Variants in VCPIP1 observed in about 807,000 individuals in gnomAD.
VCPIP1 encodes the protein deubiquitinating protein VCPIP1.
VCPIP1 carries 8 observed loss-of-function variants against 85.0 expected under a neutral mutation model. The ratio of observed to expected loss-of-function variants is 0.09; its 90% CI spans 0.06 to 0.17. The LOEUF (loss-of-function observed/expected upper bound fraction) is 0.17. VCPIP1 is among the 10% of genes least tolerant of loss of function. VCPIP1 has a pLI of 1.00. For synonymous variants in VCPIP1, 543 were observed against 544.5 expected (o/e 1.00, Z 0.04); for missense variants, 1,070 against 1,486.3 (o/e 0.72, Z 4.61).
chr8:66,646,160 C>T (rs1341115897), intron 2 of VCPIP1, among the ~76,000 whole-genome samples: 2 of 150,886 alleles, frequency 1.3e-5, no homozygotes, highest in Non-Finnish European at 3.0e-5. Flanking sequence ...GCAACCTCCA[C>T]CTCCTGGGTT....
chr8:66,652,998 T>TA (rs2130169779), intron 1 of VCPIP1, among the ~76,000 whole-genome samples: 1 of 152,346 alleles, frequency 6.6e-6, no homozygotes, highest in Non-Finnish European at 1.5e-5. Flanking sequence ...ACTATGTACT[T>TA]ACAACATCTC....
chr8:66,656,352 A>T (rs1369310582), intron 1 of VCPIP1, among the ~76,000 whole-genome samples: 1 of 151,966 alleles, frequency 6.6e-6, no homozygotes, highest in Non-Finnish European at 1.5e-5. Flanking sequence ...GTGCCACCAC[A>T]GCCGCTAAGT....
chr8:66,664,178 AAAGAT>A, intron 1 of VCPIP1, 66 bp downstream of exon 1: 1 of 1,425,670 alleles, frequency 7.0e-7, no homozygotes, highest in Non-Finnish European at 9.2e-7. Context: ...CTTTTCCCCC[AAAGAT>A]AACAGGAAAA....
Position 66,664,637 on chromosome 8 carries a change from C to T in VCPIP1, c.2322G>A (p.Glu774=), listed in dbSNP as rs1171290685. Residue 774 remains glutamate, a synonymous_variant, in exon 1 of 3, where the codon GAG becomes GAA. Transcript: ENST00000310421. Reference sequence around the variant, plus strand: ...CATTAGTTGTGATTCGGATCTTCTTCTCCTTAGAAGTTGTCGGTGAATAGG... The same window carrying T: ...CATTAGTTGTGATTCGGATCTTCTTTTCCTTAGAAGTTGTCGGTGAATAGG... ...KAPYSPTTSK[E]KKIRITTNDG... is the part of the protein sequence containing the mutation. 1 of 1,613,678 alleles carries T rather than the reference C, an allele frequency of 6.2e-7. No homozygotes were observed. Among genetic ancestry groups the T allele is most frequent in the Non-Finnish European group, 8.5e-7 (1 of 1,179,890 alleles).
At chr8:66,650,860 CAAA>C (rs770736039) in intron 2 of VCPIP1, among the ~76,000 whole-genome samples, 22 of 13,922 alleles carry the variant, frequency 1.6e-3, no homozygotes, top group African/African-American at 5.0e-3. Flanking sequence ...GACTTCGTCT[CAAA>C]AAAAAAAAAA....
At chr8:66,636,480 C>T (rs1347826777) in intron 2 of VCPIP1, among the ~76,000 whole-genome samples, 1 of 152,046 alleles carries the variant, frequency 6.6e-6, no homozygotes, top group Non-Finnish European at 1.5e-5. Flanking sequence ...CACAGTGGCT[C>T]ACACCTGTAA....
rs1428785768 is a variant in VCPIP1, at chr8:66,632,795, T to C, written c.*1706A>G. 1 of 152,110 alleles carries C rather than the reference T, an allele frequency of 6.6e-6. No individual in the cohort carries two copies. The highest frequency in any genetic ancestry group is 1.5e-5 in the Non-Finnish European group (1 of 67,944). 9.4% of individuals were successfully genotyped at this position (152,110 alleles called of 1,614,324 possible). On this transcript the variant is annotated 3_prime_UTR_variant, in exon 3 of 3. Coordinates refer to ENST00000310421, the MANE Select transcript of VCPIP1 (RefSeq NM_025054.5). Reference sequence around the variant, plus strand: ...CACCTTTACTAAGTAGTAAATAGTATTTGGTAGCTACAGCTCTTATTTTAT... The same window carrying C: ...CACCTTTACTAAGTAGTAAATAGTACTTGGTAGCTACAGCTCTTATTTTAT...
At chr8:66,657,649 G>A (rs1237183170) in intron 1 of VCPIP1, among the ~76,000 whole-genome samples, 1 of 152,166 alleles carries the variant, frequency 6.6e-6, no homozygotes, top group Non-Finnish European at 1.5e-5. Context: ...GTGTTTAAAT[G>A]TGTACAGAGT....
At chr8:66,646,386 T>C (rs1270335083) in intron 2 of VCPIP1, among the ~76,000 whole-genome samples, 1 of 152,050 alleles carries the variant, frequency 6.6e-6, no homozygotes, top group Non-Finnish European at 1.5e-5. Context: ...TTTAATACCC[T>C]GATAAACCCA....
At chr8:66,656,875 GGC>G (rs1311052949) in intron 1 of VCPIP1, among the ~76,000 whole-genome samples, 20,132 of 151,340 alleles carry the variant, frequency 0.13, 3,164 homozygotes, top group African/African-American at 0.38. Flanking sequence ...TACCAAAGTA[GGC>G]CTGGGATTAC....
At chr8:66,655,952 C>T (rs1811096023) in intron 1 of VCPIP1, among the ~76,000 whole-genome samples, 1 of 152,094 alleles carries the variant, frequency 6.6e-6, no homozygotes, top group Admixed American at 6.6e-5. Context: ...CCCTCATAAC[C>T]TTCAATCTTC....
In VCPIP1 at chr8:66,629,231, G is replaced by C. The variant is rs897253732; in HGVS notation, c.*5270C>G. 22 of 152,186 alleles carry C rather than the reference G, an allele frequency of 1.4e-4. No homozygotes were observed. The highest frequency in any genetic ancestry group is 2.5e-4 in the Non-Finnish European group (17 of 68,042). The allele number at this position is 152,186 out of a possible 1,614,324, so 9.4% of individuals were successfully genotyped here. A position where few individuals can be genotyped will look rare whatever the true frequency, so the allele number is the denominator to read the frequency against. On this transcript the variant is annotated 3_prime_UTR_variant, in exon 3 of 3. Coordinates refer to ENST00000310421, the MANE Select transcript of VCPIP1 (RefSeq NM_025054.5). ...CAGATGTGATCATCATCCTCGCAGA[G>C]AGGAATGCACAGAGAGGTCACAGAA... is the stretch of plus-strand genomic sequence containing the variant.
At chr8:66,661,437 T>C (rs1278369883) in intron 1 of VCPIP1, among the ~76,000 whole-genome samples, 2 of 151,926 alleles carry the variant, frequency 1.3e-5, no homozygotes, top group Non-Finnish European at 2.9e-5. Context: ...TTAATTTTCA[T>C]TATGAAATAT....
chr8:66,643,381 T>G (rs1394524581), intron 2 of VCPIP1, among the ~76,000 whole-genome samples: 1 of 147,920 alleles, frequency 6.8e-6, no homozygotes, highest in Non-Finnish European at 1.5e-5. Flanking sequence ...TAGAGAGAAA[T>G]TTATAGCTTT....
intron 2 of VCPIP1, among the ~76,000 whole-genome samples, chr8:66,645,681 G>A (rs180707689): frequency 2.1e-4 from 32 of 149,570 alleles, no homozygotes; most frequent in African/African-American, 8.0e-4. Flanking sequence ...AGAACTTTGG[G>A]AGACTGAGGC....
chr8:66,655,138 G>GTTAATTAACTTTTCTGTT (rs1422188750), intron 1 of VCPIP1, among the ~76,000 whole-genome samples: 9 of 152,174 alleles, frequency 5.9e-5, no homozygotes, highest in Admixed American at 1.3e-4. Flanking sequence ...CACACTTCAG[G>GTTAATTAACTTTTCTGTT]TTAATTAACT....
intron 1 of VCPIP1, among the ~76,000 whole-genome samples, chr8:66,661,684 T>C (rs766066467): frequency 5.3e-5 from 8 of 150,892 alleles, no homozygotes; most frequent in Non-Finnish European, 1.0e-4. Flanking sequence ...TGCAATGAGC[T>C]GAGATCGCGC....
Position 66,664,987 on chromosome 8 carries a change from T to C in VCPIP1, c.1972A>G (p.Lys658Glu). The C allele has an allele frequency of 6.2e-7, 1 of 1,613,480 alleles. No individual in the cohort carries two copies. The highest frequency in any genetic ancestry group is 8.5e-7 in the Non-Finnish European group (1 of 1,179,546). The change falls in exon 1 of 3, where the codon AAG (lysine) becomes GAG (glutamate). Residue 658 changes from lysine to glutamate, a missense_variant. Lys to Glu is a moderately conservative substitution (Grantham distance 56). Coordinates refer to ENST00000310421, the MANE Select transcript of VCPIP1 (RefSeq NM_025054.5). ...ACAGGAGTATAATCATCGGGATTCT[T>C]TTTGGCAGTCTGATGCAATATAGTG... Reference protein sequence around the residue: ...VHTILHQTAKKNPDDYTPVNI... With the variant: ...VHTILHQTAKENPDDYTPVNI...
Position 66,667,155 on chromosome 8 carries a change from C to T in VCPIP1, c.-197G>A. ...CTTCTTACTTCTCCACTGCCGTAGC[C>T]GTTGCCCCGAACGTAACGGCCACCA... On this transcript the variant is annotated 5_prime_UTR_variant, in exon 1 of 3. Transcript: ENST00000310421. 2.4e-6 allele frequency: 3 copies of T among 1,252,612 alleles called. No homozygotes were observed. The highest frequency in any genetic ancestry group is 2.1e-6 in the Non-Finnish European group (2 of 953,312). 77.6% of individuals were successfully genotyped at this position (1,252,612 alleles called of 1,614,324 possible). A position where few individuals can be genotyped will look rare whatever the true frequency, so the allele number is the denominator to read the frequency against.
Sources: allele counts gnomAD v4.1 joint callset (sites outside exome capture counted in the v4.1 genomes callset), GRCh38; gene constraint gnomAD v4.1.1; transcripts MANE v1.5; gene names NCBI Gene and HGNC (gene_info 2026-07-23, HGNC 2026-07-21).